TMEM161B: variants seen among roughly 807,000 people sequenced by gnomAD.
TMEM161B encodes transmembrane protein 161B.
A neutral mutation model predicts 61.8 loss-of-function variants in TMEM161B; 34 were observed. That is an observed-to-expected ratio of 0.55 (90% confidence interval 0.42 to 0.73). The LOEUF is 0.73. Among genes scored for constraint, TMEM161B ranks in the 30% least tolerant of loss-of-function variants. TMEM161B has a pLI of 0.00. For missense variants in TMEM161B, 456 were observed against 558.5 expected, an observed-to-expected ratio of 0.82 and a Z score of 1.85; for synonymous variants, 167 against 192.8, an observed-to-expected ratio of 0.87 and a Z score of 1.11.
At chr5:88,237,152 A>G (rs930280003) in intron 2 of TMEM161B, among the ~76,000 whole-genome samples, 1 of 152,152 alleles carries the variant, frequency 6.6e-6, no homozygotes, top group African/African-American at 2.4e-5. Context: ...TGGAGATAAT[A>G]TCACCTATGG....
downstream of TMEM161B, among the ~76,000 whole-genome samples, chr5:88,191,514 A>G (rs1008952406): frequency 6.6e-5 from 10 of 152,222 alleles, no homozygotes; most frequent in African/African-American, 2.2e-4. Context: ...ATGGGTACAA[A>G]CCAAATTATT....
At chr5:88,198,846 AG>A in intron 10 of TMEM161B, 129 bp downstream of exon 10, 1 of 844,174 alleles carries the variant, frequency 1.2e-6, no homozygotes, top group Non-Finnish European at 1.8e-6. Flanking sequence ...TGTCAACTTA[AG>A]ATTGTTCTGT....
Position 88,268,801 on chromosome 5 carries a change from AG to A in TMEM161B, c.-79del. On this transcript the variant is annotated 5_prime_UTR_variant, in exon 1 of 12. Transcript: ENST00000296595. ...CAAACCTCTTACCTCCCGGTCCTTG[AG>A]CCGAGAGACTCTCAAACAGCGAAAG... 1 of 1,609,116 alleles carries A rather than the reference AG, an allele frequency of 6.2e-7. No homozygotes were observed. The highest frequency in any genetic ancestry group is 2.2e-5 in the East Asian group (1 of 44,694).
chr5:88,268,475 C>T (rs953560274), intron 1 of TMEM161B, among the ~76,000 whole-genome samples: 1 of 152,180 alleles, frequency 6.6e-6, no homozygotes, highest in African/African-American at 2.4e-5. Context: ...AGGCAGGCTA[C>T]CCAGTCCATA....
chr5:88,204,957 T>C (rs1035464912), intron 8 of TMEM161B, among the ~76,000 whole-genome samples: 2 of 151,954 alleles, frequency 1.3e-5, no homozygotes, highest in African/African-American at 4.8e-5. Context: ...TTTTAAAGAA[T>C]AGAAATGTTA....
At chr5:88,189,744 G>T in exon 13 of TMEM161B, 1 of 235,094 alleles carries the variant, frequency 4.3e-6, no homozygotes, top group South Asian at 8.6e-5. Context: ...TATGGGAGGG[G>T]GCCTATGATA....
downstream of TMEM161B, among the ~76,000 whole-genome samples, chr5:88,191,956 CAAAAAAAAA>C (rs1206243754): frequency 5.5e-5 from 1 of 18,062 alleles, no homozygotes; most frequent in Non-Finnish European, 8.6e-5. Flanking sequence ...GACTCTGTCT[CAAAAAAAAA>C]AAAAAAAAAA....
chr5:88,201,040 T>C (rs1744299736), intron 9 of TMEM161B: 1 of 119,396 alleles, frequency 8.4e-6, no homozygotes, highest in African/African-American at 2.5e-5. Flanking sequence ...ATCACATGCA[T>C]TTTAGATTTT....
intron 9 of TMEM161B, chr5:88,202,405 G>A (rs1438671542): frequency 2.7e-5 from 5 of 186,270 alleles, no homozygotes; most frequent in African/African-American, 7.2e-5. Context: ...TGTTAGGTAC[G>A]ATGATGTTAT....
intron 5 of TMEM161B, among the ~76,000 whole-genome samples, chr5:88,215,507 A>AT (rs368686546): frequency 6.6e-6 from 1 of 151,616 alleles, no homozygotes; most frequent in Non-Finnish European, 1.5e-5. Flanking sequence ...CAAAAAAAAA[A>AT]TCACATACTC....
downstream of TMEM161B, among the ~76,000 whole-genome samples, chr5:88,187,656 T>C (rs1748434588): frequency 6.6e-6 from 1 of 152,130 alleles, no homozygotes; most frequent in African/African-American, 2.4e-5. Flanking sequence ...ATCTCATATT[T>C]TGATTACTGT....
chr5:88,186,733 C>A (rs959911803), downstream of TMEM161B, among the ~76,000 whole-genome samples: 4 of 151,830 alleles, frequency 2.6e-5, no homozygotes, highest in African/African-American at 4.8e-5. Flanking sequence ...AGTTCGAGAC[C>A]AGCCTGGCCA....
In TMEM161B at chr5:88,264,941, G is replaced by A. The variant is rs535594963; in HGVS notation, c.3+3780C>T. ...CACACTGCGGCCTGTCAGGGGGTGG[G>A]GGGCAAGGGGAGGGAGAGCATTAGG... On this transcript the variant is annotated intron_variant, in intron 1 of 11. Transcript: ENST00000296595. Among the ~76,000 whole-genome samples, 76 of 151,988 alleles carry A rather than the reference G, an allele frequency of 5.0e-4. 1 individual carries two copies. Among genetic ancestry groups the A allele is most frequent in the Admixed American group, 4.6e-3 (70 of 15,272 alleles).
In TMEM161B at chr5:88,203,042, T is replaced by A; in HGVS notation, c.834A>T (p.Leu278Phe). 6.2e-7 allele frequency: 1 copy of A among 1,609,502 alleles called. No individual in the cohort carries two copies. The highest frequency in any genetic ancestry group is 8.5e-7 in the Non-Finnish European group (1 of 1,176,376). Reference sequence around the variant, plus strand: ...GTTTTACCCAGAGCAGAACCATAAATAAAGGTGCCAAGAAGTTGATATGAA... The same window carrying A: ...GTTTTACCCAGAGCAGAACCATAAAAAAAGGTGCCAAGAAGTTGATATGAA... ...TLLHINFLAP[L>F]FMVLLWVKPI... The change falls in exon 9 of 12, where the codon TTA becomes TTT. Residue 278 changes from leucine (L) to phenylalanine (F), a missense_variant. Transcript: ENST00000296595.
At chr5:88,207,803 A>G (rs1745831572) in intron 5 of TMEM161B, among the ~76,000 whole-genome samples, 1 of 152,212 alleles carries the variant, frequency 6.6e-6, no homozygotes, top group Non-Finnish European at 1.5e-5. Context: ...GCCCAAAGAT[A>G]GAACTCAGAT....
chr5:88,191,185 G>A (rs1748802579), downstream of TMEM161B, among the ~76,000 whole-genome samples: 2 of 152,050 alleles, frequency 1.3e-5, no homozygotes, highest in South Asian at 4.1e-4. Flanking sequence ...AAAAGCCATG[G>A]AATCCTACAT....
intron 1 of TMEM161B, among the ~76,000 whole-genome samples, chr5:88,245,385 G>A (rs1035000987): frequency 3.9e-5 from 6 of 151,926 alleles, no homozygotes; most frequent in Middle Eastern, 3.4e-3. Context: ...GGCAGAACAA[G>A]ACCAAGAAAT....
intron 1 of TMEM161B, among the ~76,000 whole-genome samples, chr5:88,246,604 T>G (rs978378440): frequency 6.6e-6 from 1 of 151,942 alleles, no homozygotes; most frequent in Non-Finnish European, 1.5e-5. Flanking sequence ...CACAATCATT[T>G]AAAATTCAAA....
At chr5:88,223,122 C>A (rs986731663) in intron 4 of TMEM161B, among the ~76,000 whole-genome samples, 1 of 108,476 alleles carries the variant, frequency 9.2e-6, no homozygotes, top group Non-Finnish European at 1.9e-5. Context: ...GCTACAATAC[C>A]CTAAATTCAT....
Sources: gnomAD v4.1 joint callset for allele counts (sites outside exome capture counted in the v4.1 genomes callset) on GRCh38, gnomAD v4.1.1 for gene constraint, MANE v1.5 for transcripts, NCBI Gene and HGNC (gene_info 2026-07-23, HGNC 2026-07-21) for gene names.